Variants in RAB3C observed in about 807,000 individuals in gnomAD.
RAB3C encodes the protein RAB3C, member RAS oncogene family, also known as ras-related protein Rab-3C.
In RAB3C, 17 loss-of-function variants were observed where a neutral mutation model predicts 26.4. That is an observed-to-expected ratio of 0.64 (90% confidence interval 0.44 to 0.97). RAB3C has a LOEUF of 0.97. Among genes scored for constraint, RAB3C ranks in the 50% least tolerant of loss-of-function variants. The pLI is 0.00. For synonymous variants in RAB3C, 91 were observed against 95.9 expected, an observed-to-expected ratio of 0.95 and a Z score of 0.30; for missense variants, 242 against 281.9, an observed-to-expected ratio of 0.86 and a Z score of 1.01.
At chr5:58,602,947 G>A (rs997736838) in intron 1 of RAB3C, among the ~76,000 whole-genome samples, 81 of 152,152 alleles carry the variant, frequency 5.3e-4, no homozygotes, top group Admixed American at 1.4e-3. Context: ...GTTTTGATGT[G>A]TTTCCAGGAT....
Position 58,665,220 on chromosome 5 carries a change from A to C in RAB3C, c.252+47350A>C, listed in dbSNP as rs185333115. ...CATTTGTGTGTAAAATTTAATGCAC[A>C]AAAAAAATCATTATATATTGTTTAA... On this transcript the variant is annotated intron_variant, in intron 2 of 4. Coordinates refer to ENST00000282878, the MANE Select transcript of RAB3C (RefSeq NM_138453.4). Among the ~76,000 whole-genome samples the C allele has an allele frequency of 2.8e-5, 4 of 141,202 alleles. No individual in the cohort carries two copies. The East Asian group carries it at 7.7e-4, about 27-fold the overall frequency. 92.6% of individuals were successfully genotyped at this position (141,202 alleles called of 152,430 possible). A position where few individuals can be genotyped will look rare whatever the true frequency, so the allele number is the denominator to read the frequency against.
chr5:58,634,963 C>T (rs1190568092), intron 2 of RAB3C, among the ~76,000 whole-genome samples: 1 of 152,066 alleles, frequency 6.6e-6, no homozygotes, highest in Non-Finnish European at 1.5e-5. Flanking sequence ...GAGGTAAAGA[C>T]AGAATGTGAG....
At chr5:58,736,573 G>A (rs187802374) in intron 3 of RAB3C, among the ~76,000 whole-genome samples, 1 of 152,260 alleles carries the variant, frequency 6.6e-6, no homozygotes, top group Admixed American at 6.5e-5. Context: ...CTTTTGTGTG[G>A]CGAAGTCAAG....
chr5:58,598,958 C>T (rs151319259), intron 1 of RAB3C, among the ~76,000 whole-genome samples: 49 of 152,208 alleles, frequency 3.2e-4, no homozygotes, highest in African/African-American at 1.1e-3. Flanking sequence ...CTCACTTGAG[C>T]GTTTAACACA....
At chr5:58,779,069 G>A (rs1742212307) in intron 3 of RAB3C, among the ~76,000 whole-genome samples, 1 of 152,050 alleles carries the variant, frequency 6.6e-6, no homozygotes, top group Non-Finnish European at 1.5e-5. Context: ...TAAGATTCAT[G>A]TTACTCTTTT....
intron 4 of RAB3C, among the ~76,000 whole-genome samples, chr5:58,834,978 A>C (rs1396827490): frequency 6.6e-6 from 1 of 152,150 alleles, no homozygotes; most frequent in Non-Finnish European, 1.5e-5. Flanking sequence ...CATGCATCCC[A>C]GTTTGCTCAG....
chr5:58,818,169 G>T (rs1484534646), intron 3 of RAB3C, among the ~76,000 whole-genome samples: 3 of 152,154 alleles, frequency 2.0e-5, no homozygotes, highest in African/African-American at 7.2e-5. Context: ...GCAAAAGTCT[G>T]TCATTCTCCA....
intron 1 of RAB3C, among the ~76,000 whole-genome samples, chr5:58,614,225 G>A (rs1056630031): frequency 1.3e-4 from 20 of 152,158 alleles, no homozygotes; most frequent in African/African-American, 4.8e-4. Context: ...TTTTGAGAAT[G>A]TTCACATGAC....
intron 2 of RAB3C, among the ~76,000 whole-genome samples, chr5:58,704,058 G>C (rs1748899033): frequency 6.6e-6 from 1 of 152,120 alleles, no homozygotes; most frequent in Non-Finnish European, 1.5e-5. Flanking sequence ...TACCCAGAAA[G>C]AATCTCTGAT....
At chr5:58,642,389 C>T (rs1407220208) in intron 2 of RAB3C, among the ~76,000 whole-genome samples, 1 of 152,154 alleles carries the variant, frequency 6.6e-6, no homozygotes, top group Non-Finnish European at 1.5e-5. Context: ...AGCTTTCTTT[C>T]TCTCTTATAA....
At chr5:58,612,532 A>ATATGTATATATATATGTG (rs1554044134) in intron 1 of RAB3C, among the ~76,000 whole-genome samples, 2 of 87,204 alleles carry the variant, frequency 2.3e-5, no homozygotes, top group African/African-American at 8.6e-5. Flanking sequence ...ATATATATAT[A>ATATGTATATATATATGTG]TATATATATA....
At chr5:58,815,070 A>G (rs1347129894) in intron 3 of RAB3C, among the ~76,000 whole-genome samples, 1 of 152,178 alleles carries the variant, frequency 6.6e-6, no homozygotes. Flanking sequence ...AGCTGAATTG[A>G]CACTCCTAGA....
At chr5:58,720,985 G>C (rs1258068709) in intron 2 of RAB3C, among the ~76,000 whole-genome samples, 6 of 151,716 alleles carry the variant, frequency 4.0e-5, no homozygotes, top group Admixed American at 3.9e-4. Flanking sequence ...GACCTTAGAA[G>C]GTTTTAAGAA....
intron 3 of RAB3C, among the ~76,000 whole-genome samples, chr5:58,754,480 G>A (rs1282257315): frequency 3.9e-5 from 6 of 152,116 alleles, no homozygotes; most frequent in Admixed American, 6.5e-5. Context: ...CATACTCAGC[G>A]TGAATATGGA....
intron 2 of RAB3C, among the ~76,000 whole-genome samples, chr5:58,710,157 C>A (rs1245202392): frequency 6.6e-6 from 1 of 151,996 alleles, no homozygotes; most frequent in African/African-American, 2.4e-5. Context: ...TTTAGATACT[C>A]CATTTGAATG....
chr5:58,748,900 G>C (rs995727560), intron 3 of RAB3C, among the ~76,000 whole-genome samples: 1 of 152,100 alleles, frequency 6.6e-6, no homozygotes, highest in Non-Finnish European at 1.5e-5. Flanking sequence ...ATTATTTCCA[G>C]ACCATGGCAG....
At chr5:58,688,312 A>G (rs1425225924) in intron 2 of RAB3C, among the ~76,000 whole-genome samples, 2 of 152,110 alleles carry the variant, frequency 1.3e-5, no homozygotes, top group African/African-American at 4.8e-5. Context: ...CATGTGTACC[A>G]TGGCATAACC....
chr5:58,587,815 C>T lies in RAB3C; in HGVS notation c.24+4583C>T, dbSNP rs575768923. 1.4e-4 allele frequency among the ~76,000 whole-genome samples: 22 copies of T among 152,206 alleles called. No homozygotes were observed. In the East Asian group the frequency reaches 3.9e-3, roughly 27 times the overall value. ...AATCACGGGTTAGCTGTGGGATTTT[C>T]CTGTGTCTCCTCTCTCCCTGGGAAG... On this transcript the variant is annotated intron_variant, in intron 1 of 4. Coordinates refer to ENST00000282878, the MANE Select transcript of RAB3C (RefSeq NM_138453.4).
chr5:58,614,421 T>C (rs561545423), intron 1 of RAB3C, among the ~76,000 whole-genome samples: 1 of 152,194 alleles, frequency 6.6e-6, no homozygotes, highest in South Asian at 2.1e-4. Flanking sequence ...ACATTCCAAA[T>C]GCATATCTTT....
Sources: allele counts gnomAD v4.1 joint callset (sites outside exome capture counted in the v4.1 genomes callset), GRCh38; gene constraint gnomAD v4.1.1; transcripts MANE v1.5; gene names NCBI Gene and HGNC (gene_info 2026-07-23, HGNC 2026-07-21).